The following SPAG16 variants were observed in gnomAD, a reference collection of about 807,000 sequenced individuals.
SPAG16 encodes the protein sperm associated antigen 16.
Under a neutral mutation model 80.4 loss-of-function variants are expected in SPAG16, and 86 were observed. The ratio of observed to expected loss-of-function variants is 1.07; its 90% CI spans 0.90 to 1.28. The LOEUF is 1.28. SPAG16 is among the 50% of genes most tolerant of loss of function. The pLI is 0.00. For missense variants in SPAG16, 870 were observed against 765.3 expected, an observed-to-expected ratio of 1.14 and a Z score of -1.61; for synonymous variants, 294 against 265.9, an observed-to-expected ratio of 1.11 and a Z score of -1.03.
intron 14 of SPAG16, among the ~76,000 whole-genome samples, chr2:214,110,297 C>G (rs2053600094): frequency 6.6e-6 from 1 of 151,636 alleles, no homozygotes; most frequent in Non-Finnish European, 1.5e-5. Flanking sequence ...CCAGCCCCCA[C>G]CCCTGACAGG....
At chr2:214,210,139 TG>T (rs1361497177) in intron 15 of SPAG16, among the ~76,000 whole-genome samples, 1 of 152,048 alleles carries the variant, frequency 6.6e-6, no homozygotes, top group Non-Finnish European at 1.5e-5. Context: ...AGGAAGAAGT[TG>T]GGGGGAAGGG....
chr2:213,416,546 G>T (rs370062989), intron 9 of SPAG16, among the ~76,000 whole-genome samples: 3,679 of 103,240 alleles, frequency 0.036, 64 homozygotes, highest in South Asian at 0.043. Flanking sequence ...TACTTGACTT[G>T]TTTTTTCTTT....
chr2:213,908,596 C>G (rs989032994), intron 11 of SPAG16, among the ~76,000 whole-genome samples: 5 of 152,036 alleles, frequency 3.3e-5, no homozygotes, highest in Non-Finnish European at 7.4e-5. Flanking sequence ...TTCATAATAC[C>G]TATATATAGT....
intron 10 of SPAG16, among the ~76,000 whole-genome samples, chr2:213,584,194 A>G (rs898557108): frequency 1.3e-5 from 2 of 151,712 alleles, no homozygotes; most frequent in Non-Finnish European, 2.9e-5. Flanking sequence ...TTTTTTTTAT[A>G]CTAGTCCAAC....
rs79534326 is a variant in SPAG16, at chr2:214,301,568, C to G, written c.1721-108572C>G. Among the ~76,000 whole-genome samples the G allele has an allele frequency of 9.0e-3, 1,365 of 152,152 alleles. 22 individuals carry two copies. Among genetic ancestry groups the G allele is most frequent in the African/African-American group, 0.031 (1,287 of 41,544 alleles). On this transcript the variant is annotated intron_variant, in intron 15 of 15. Transcript: ENST00000331683. Reference sequence around the variant, plus strand: ...TTCCTCTAGGCTTTCTAGTTTGTTTCCATAGAGATGTTCATAGTAGTCTCA... The same window carrying G: ...TTCCTCTAGGCTTTCTAGTTTGTTTGCATAGAGATGTTCATAGTAGTCTCA...
chr2:213,850,915 G>T (rs915882717), intron 10 of SPAG16, among the ~76,000 whole-genome samples: 1 of 151,766 alleles, frequency 6.6e-6, no homozygotes, highest in African/African-American at 2.4e-5. Flanking sequence ...TAACATACCA[G>T]TCTACTAATT....
rs55972413 is a variant in SPAG16, at chr2:213,970,288, C to CT, written c.1400+40156dup. ...CAGTCAAGTAATGCTAAAAGTTTTG[C>CT]TTTTTTTTTTTTTGTTTATTTTTAA... is the stretch of plus-strand genomic sequence containing the variant. On this transcript the variant is annotated intron_variant, in intron 12 of 15. Transcript: ENST00000331683. 5.5e-3 allele frequency among the ~76,000 whole-genome samples: 794 copies of CT among 145,684 alleles called. 7 individuals carry two copies. Among genetic ancestry groups the CT allele is most frequent in the African/African-American group, 0.017 (656 of 39,608 alleles).
chr2:213,364,045 T>G, intron 7 of SPAG16, 31 bp from the exon 8 acceptor site: 1 of 1,177,772 alleles, frequency 8.5e-7, no homozygotes, highest in South Asian at 1.7e-5. Flanking sequence ...ATTTAGTGTA[T>G]AATTTCATTT....
rs578157216 is a variant in SPAG16 at position 213,882,715 on chromosome 2, C to G, written c.1214+20087C>G. 9.2e-5 allele frequency among the ~76,000 whole-genome samples: 14 copies of G among 152,140 alleles called. No homozygotes were observed. The South Asian group carries it at 1.2e-3, about 14-fold the overall frequency. ...TTTTTTTGTTAATCTAGCTAGTGGT[C>G]TATTCATCTAATTTTTTCAAAGAAC... is the stretch of plus-strand genomic sequence containing the variant. On this transcript the variant is annotated intron_variant, in intron 11 of 15. Coordinates refer to ENST00000331683, the MANE Select transcript of SPAG16 (RefSeq NM_024532.5).
At chr2:213,810,003 A>C (rs1473227) in intron 10 of SPAG16, among the ~76,000 whole-genome samples, 45,826 of 151,984 alleles carry the variant, frequency 0.3, 7,058 homozygotes, top group Middle Eastern at 0.4. Flanking sequence ...GCATCGTACG[A>C]AAAGGATAGA....
At chr2:213,415,709 G>A (rs1176959330) in intron 9 of SPAG16, among the ~76,000 whole-genome samples, 1 of 152,136 alleles carries the variant, frequency 6.6e-6, no homozygotes, top group East Asian at 1.9e-4. Context: ...GGTTTTGGAG[G>A]AGAGGATATT....
At position 213,424,575 on chromosome 2, in the gene SPAG16, A is replaced by G. The variant is rs1180036737; in HGVS notation, c.942+49456A>G. Among the ~76,000 whole-genome samples the G allele has an allele frequency of 2.0e-5, 3 of 152,288 alleles. No individual in the cohort carries two copies. The East Asian group carries it at 5.8e-4, about 29-fold the overall frequency. On this transcript the variant is annotated intron_variant, in intron 9 of 15. Transcript: ENST00000331683. Reference sequence around the variant, plus strand: ...AGCTTATTTTAAAGTGTACTTCTTAATAATTTAATAACCCATCTTTAACTT... The same window carrying G: ...AGCTTATTTTAAAGTGTACTTCTTAGTAATTTAATAACCCATCTTTAACTT...
At chr2:214,056,171 C>T (rs1294900503) in intron 13 of SPAG16, among the ~76,000 whole-genome samples, 1 of 151,904 alleles carries the variant, frequency 6.6e-6, no homozygotes, top group African/African-American at 2.4e-5. Flanking sequence ...ACTGAAATAA[C>T]GTGACAGTAA....
intron 15 of SPAG16, among the ~76,000 whole-genome samples, chr2:214,167,408 G>GT (rs140874843): frequency 0.07 from 10,651 of 152,152 alleles, 495 homozygotes; most frequent in Middle Eastern, 0.099. Flanking sequence ...ACTGTGGGGA[G>GT]TGTTAGGATG....
intron 9 of SPAG16, among the ~76,000 whole-genome samples, chr2:213,446,060 A>G (rs534404160): frequency 1.3e-5 from 2 of 152,308 alleles, no homozygotes; most frequent in South Asian, 2.1e-4. Context: ...GTCAAACCCT[A>G]AAGAGCATCA....
chr2:214,280,148 G>A (rs544153230), intron 15 of SPAG16, among the ~76,000 whole-genome samples: 21 of 152,138 alleles, frequency 1.4e-4, no homozygotes, highest in South Asian at 4.1e-4. Context: ...AGATGATGTC[G>A]GTAATGCAAT....
chr2:213,580,326 C>CT (rs1053603784), intron 10 of SPAG16, among the ~76,000 whole-genome samples: 1 of 152,054 alleles, frequency 6.6e-6, no homozygotes, highest in Non-Finnish European at 1.5e-5. Flanking sequence ...TATTTTATAT[C>CT]TTTGGATCTT....
intron 9 of SPAG16, among the ~76,000 whole-genome samples, chr2:213,378,157 A>T (rs977434014): frequency 3.3e-5 from 5 of 152,026 alleles, no homozygotes; most frequent in African/African-American, 1.2e-4. Context: ...TGCCTGCTTT[A>T]TATCCTAGCT....
intron 12 of SPAG16, among the ~76,000 whole-genome samples, chr2:213,979,218 G>C (rs543460231): frequency 5.9e-5 from 9 of 151,700 alleles, no homozygotes; most frequent in Non-Finnish European, 1.2e-4. Flanking sequence ...ACAACTTCTG[G>C]CCTCCAATTA....
Sources: allele counts gnomAD v4.1 joint callset (sites outside exome capture counted in the v4.1 genomes callset), GRCh38; gene constraint gnomAD v4.1.1; transcripts MANE v1.5; gene names NCBI Gene and HGNC (gene_info 2026-07-23, HGNC 2026-07-21).